SWAP70: variants seen among roughly 807,000 people sequenced by gnomAD.
The protein encoded by SWAP70 is switch-associated protein 70.
A neutral mutation model predicts 80.2 loss-of-function variants in SWAP70; 34 were observed. The observed-to-expected ratio is 0.42, with a 90% confidence interval of 0.32 to 0.56. The LOEUF is 0.56. Among genes scored for constraint, SWAP70 ranks in the 20% least tolerant of loss-of-function variants. The probability of loss-of-function intolerance (pLI) is 0.09; values close to 1 mark genes in which losing one functional copy is unlikely to be tolerated. For missense variants in SWAP70, 578 were observed against 690.7 expected (o/e 0.84, Z 1.83); for synonymous variants, 239 against 238.5 (o/e 1.00, Z -0.02).
At chr11:9,732,828 T>G in intron 7 of SWAP70, 118 bp downstream of exon 7, 1 of 940,124 alleles carries the variant, frequency 1.1e-6, no homozygotes, top group Non-Finnish European at 1.6e-6. Flanking sequence ...GGGAGATACT[T>G]GTGGTGAACT....
At chr11:9,704,781 C>A (rs766552826) in intron 2 of SWAP70, among the ~76,000 whole-genome samples, 6 of 152,132 alleles carry the variant, frequency 3.9e-5, no homozygotes, top group African/African-American at 1.4e-4. Context: ...TTAGAGACTA[C>A]GTATGTCTTA....
At chr11:9,745,766 G>A (rs1486779427) in intron 9 of SWAP70, among the ~76,000 whole-genome samples, 5 of 152,320 alleles carry the variant, frequency 3.3e-5, no homozygotes, top group Middle Eastern at 3.4e-3. Flanking sequence ...TGAGGAAGCC[G>A]ATACACAGAA....
At chr11:9,693,646 A>G (rs1850721028) in intron 1 of SWAP70, among the ~76,000 whole-genome samples, 1 of 152,174 alleles carries the variant, frequency 6.6e-6, no homozygotes. Flanking sequence ...CTTTCTATTG[A>G]ATAAATGAGA....
At chr11:9,692,520 A>G (rs61878090) in intron 1 of SWAP70, among the ~76,000 whole-genome samples, 2 of 151,780 alleles carry the variant, frequency 1.3e-5, no homozygotes, top group African/African-American at 2.4e-5. Flanking sequence ...AAGCTTTCTC[A>G]TGGTTTTTAT....
intron 3 of SWAP70, chr11:9,719,949 T>G (rs1851114705): frequency 6.1e-6 from 2 of 328,474 alleles, no homozygotes; most frequent in Non-Finnish European, 8.7e-6. Context: ...TAAAATAAAT[T>G]TTGGAACTGA....
In SWAP70 at chr11:9,732,580, A is replaced by G; in HGVS notation, c.950A>G (p.Lys317Arg). ...LLKLGSPPPH[K>R]EARQRRKELR... Reference sequence around the variant, plus strand: ...AAGCTGGGCAGCCCTCCACCACACAAAGAAGCCCGCCAGCGTCGGAAAGAA... The same window carrying G: ...AAGCTGGGCAGCCCTCCACCACACAGAGAAGCCCGCCAGCGTCGGAAAGAA... Residue 317 changes from lysine to arginine, a missense_variant, in exon 7 of 12, where the codon AAA becomes AGA. By Grantham distance (26) the Lys-to-Arg change is conservative. Coordinates refer to ENST00000318950, the MANE Select transcript of SWAP70 (RefSeq NM_015055.4). The G allele has an allele frequency of 6.2e-7, 1 of 1,605,520 alleles. No homozygotes were observed. The highest frequency in any genetic ancestry group is 8.5e-7 in the Non-Finnish European group (1 of 1,175,154).
chr11:9,700,525 C>T (rs1850817818), intron 2 of SWAP70, among the ~76,000 whole-genome samples: 2 of 152,146 alleles, frequency 1.3e-5, no homozygotes, highest in African/African-American at 2.4e-5. Context: ...GTCATGTATA[C>T]ATACTGTCTC....
At chr11:9,723,059 T>C (rs1000783810) in intron 3 of SWAP70, among the ~76,000 whole-genome samples, 1 of 152,150 alleles carries the variant, frequency 6.6e-6, no homozygotes, top group Non-Finnish European at 1.5e-5. Context: ...CAGAGGAGCT[T>C]GGCCTCTGTC....
At chr11:9,742,994 A>C (rs1851462044) in intron 9 of SWAP70, among the ~76,000 whole-genome samples, 1 of 148,142 alleles carries the variant, frequency 6.8e-6, no homozygotes, top group African/African-American at 2.5e-5. Flanking sequence ...GGTGTGCTAC[A>C]CCCATTAACT....
intron 3 of SWAP70, among the ~76,000 whole-genome samples, chr11:9,722,332 C>T (rs929576675): frequency 2.0e-5 from 3 of 152,148 alleles, no homozygotes; most frequent in African/African-American, 7.2e-5. Flanking sequence ...CATGGTTCCT[C>T]CTACAAGGAA....
At chr11:9,687,059 A>G (rs565031262) in intron 1 of SWAP70, among the ~76,000 whole-genome samples, 68 of 152,336 alleles carry the variant, frequency 4.5e-4, no homozygotes, top group African/African-American at 1.6e-3. Context: ...AAGATTAAGC[A>G]TCTTTTCCTA....
intron 9 of SWAP70, among the ~76,000 whole-genome samples, chr11:9,746,617 G>A (rs1851515128): frequency 6.6e-6 from 1 of 152,228 alleles, no homozygotes; most frequent in Non-Finnish European, 1.5e-5. Flanking sequence ...AAGGCTGGAG[G>A]TGGTCTTCTT....
At chr11:9,718,727 T>G (rs1048565973) in intron 3 of SWAP70, among the ~76,000 whole-genome samples, 45 of 152,352 alleles carry the variant, frequency 3.0e-4, no homozygotes, top group African/African-American at 1.1e-3. Context: ...TTCTTTCCAA[T>G]AATCCACTTA....
At chr11:9,748,089 T>C (rs1851535809) in intron 10 of SWAP70, 33 bp downstream of exon 10, 1 of 1,592,612 alleles carries the variant, frequency 6.3e-7, no homozygotes, top group African/African-American at 1.3e-5. Context: ...ACTTGTATAT[T>C]TAAATTTTTG....
intron 7 of SWAP70, among the ~76,000 whole-genome samples, 169 bp downstream of exon 7, chr11:9,732,879 G>A (rs79314836): frequency 0.014 from 2,122 of 152,264 alleles, 56 homozygotes; most frequent in African/African-American, 0.049. Context: ...GAGACATACT[G>A]GTTTTCCTAG....
At chr11:9,704,253 C>T (rs369620783) in intron 2 of SWAP70, among the ~76,000 whole-genome samples, 4 of 152,192 alleles carry the variant, frequency 2.6e-5, no homozygotes, top group African/African-American at 9.6e-5. Context: ...TGTGCAAACA[C>T]ACTGGTCAAT....
chr11:9,739,938 T>C (rs1342194507), intron 8 of SWAP70, among the ~76,000 whole-genome samples: 1 of 152,184 alleles, frequency 6.6e-6, no homozygotes, highest in Non-Finnish European at 1.5e-5. Flanking sequence ...GTGGAAGGGA[T>C]GGAAAATACA....
At chr11:9,671,915 TTATAA>T (rs750543478) in intron 1 of SWAP70, among the ~76,000 whole-genome samples, 23 of 109,486 alleles carry the variant, frequency 2.1e-4, no homozygotes, top group Middle Eastern at 0.012. Context: ...AATATAATAA[TTATAA>T]TATAATTATA....
chr11:9,717,324 T>C (rs1364425646), intron 3 of SWAP70, among the ~76,000 whole-genome samples: 2 of 152,160 alleles, frequency 1.3e-5, no homozygotes, highest in East Asian at 3.8e-4. Context: ...CTTGAAAGAA[T>C]TGTGCAAATA....
Sources: gnomAD v4.1 joint callset for allele counts (sites outside exome capture counted in the v4.1 genomes callset) on GRCh38, gnomAD v4.1.1 for gene constraint, MANE v1.5 for transcripts, NCBI Gene and HGNC (gene_info 2026-07-23, HGNC 2026-07-21) for gene names.